The following TMEM59 variants were observed in gnomAD, a reference collection of about 807,000 sequenced individuals.
The protein encoded by TMEM59 is transmembrane protein 59.
In TMEM59, 44 loss-of-function variants were observed where a neutral mutation model predicts 42.2. The ratio of observed to expected loss-of-function variants is 1.04; its 90% CI spans 0.82 to 1.34. The LOEUF is 1.34. Ranked by LOEUF, TMEM59 falls within the 40% of genes most tolerant of loss-of-function variation. TMEM59 has a pLI of 0.00. For missense variants in TMEM59, 359 were observed against 382.8 expected (o/e 0.94, Z 0.52); for synonymous variants, 148 against 145.8 (o/e 1.02, Z -0.11).
Position 54,053,110 on chromosome 1 carries a change from C to T in TMEM59, c.79G>A (p.Ala27Thr), listed in dbSNP as rs1232920411. 1 of 1,614,248 alleles carries T rather than the reference C, an allele frequency of 6.2e-7. No homozygotes were observed. Among genetic ancestry groups the T allele is most frequent in the Admixed American group, 1.7e-5 (1 of 60,036 alleles). The change falls in exon 1 of 8, where the codon GCC becomes ACC. Residue 27 changes from alanine to threonine, a missense_variant. Physicochemically the swap from Ala to Thr is moderately conservative, Grantham distance 58. Coordinates refer to ENST00000234831, the MANE Select transcript of TMEM59 (RefSeq NM_004872.5). The stretch of plus-strand genomic sequence containing the variant: ...GCCGAAGCGGTCCCCGAACCTCCGG[C>T]CAAGGCCATGGTCAGCAGCAGCAGC... ...PPLLLLTMAL[A>T]GGSGTASAEA... is the part of the protein sequence containing the mutation.
chr1:54,045,963 C>T (rs146217481), intron 2 of TMEM59, among the ~76,000 whole-genome samples, 177 bp from the exon 3 acceptor site: 1 of 152,312 alleles, frequency 6.6e-6, no homozygotes, highest in East Asian at 1.9e-4. Context: ...TCCATATTGT[C>T]TCCCTCCTAC....
At chr1:54,034,785 A>G (rs1424844495) in intron 7 of TMEM59, 1 of 152,174 alleles carries the variant, frequency 6.6e-6, no homozygotes, top group Admixed American at 6.5e-5. Context: ...AAAAAGAAAA[A>G]AGAAAGTTCA....
rs1656654904 is a variant in TMEM59 at position 54,028,031 on chromosome 1, T to C, written c.*4119A>G. ...GTCACTCATGCAGATGATACCCAAA[T>C]GCAAACATGACACGCTTAGCAACTG... On this transcript the variant is annotated 3_prime_UTR_variant, in exon 8 of 8. Coordinates refer to ENST00000234831, the MANE Select transcript of TMEM59 (RefSeq NM_004872.5). The C allele has an allele frequency of 6.6e-6, 1 of 152,222 alleles. No individual in the cohort carries two copies. 9.4% of individuals were successfully genotyped at this position (152,222 alleles called of 1,614,324 possible). A position where few individuals can be genotyped will look rare whatever the true frequency, so the allele number is the denominator to read the frequency against.
At chr1:54,034,638 G>A (rs1366750233) in intron 7 of TMEM59, 1 of 152,248 alleles carries the variant, frequency 6.6e-6, no homozygotes, top group Non-Finnish European at 1.5e-5. Flanking sequence ...GCTGGGTGTG[G>A]TGGTGTGCGC....
intron 5 of TMEM59, among the ~76,000 whole-genome samples, 194 bp from the exon 6 acceptor site, chr1:54,041,031 T>C (rs1315171042): frequency 6.6e-6 from 1 of 152,234 alleles, no homozygotes; most frequent in Non-Finnish European, 1.5e-5. Flanking sequence ...ATGAGTTTCC[T>C]GTTTTATTTT....
chr1:54,047,823 A>T (rs1657394999), intron 1 of TMEM59: 1 of 187,758 alleles, frequency 5.3e-6, no homozygotes, highest in South Asian at 1.0e-4. Flanking sequence ...CACAAAAATA[A>T]CTGGGTATGG....
Position 54,032,226 on chromosome 1 carries a change from A to G in TMEM59, c.896T>C (p.Val299Ala). 6.2e-7 allele frequency: 1 copy of G among 1,613,408 alleles called. No individual in the cohort carries two copies. The highest frequency in any genetic ancestry group is 1.1e-5 in the South Asian group (1 of 91,004). The part of the protein sequence containing the change: ...NRYPASSLVV[V>A]RSKTEDHEEA... ...TTCATGATCTTCAGTTTTAGATCTA[A>G]CAACCACAAGAGAAGAAGCTGGATA... The change falls in exon 8 of 8, where the codon GTT becomes GCT. Residue 299 changes from valine (V) to alanine (A), a missense_variant. Coordinates refer to ENST00000234831, the MANE Select transcript of TMEM59 (RefSeq NM_004872.5).
chr1:54,036,280 CAA>C (rs368533117), intron 7 of TMEM59, among the ~76,000 whole-genome samples: 2 of 135,144 alleles, frequency 1.5e-5, no homozygotes, highest in Admixed American at 7.5e-5. Context: ...GACTCTGCCT[CAA>C]AAAAAAAAAA....
intron 7 of TMEM59, among the ~76,000 whole-genome samples, chr1:54,036,310 A>G (rs1323970014): frequency 1.3e-5 from 2 of 151,980 alleles, no homozygotes; most frequent in African/African-American, 2.4e-5. Context: ...TTTCCCATAT[A>G]TCCCCTAGAA....
intron 7 of TMEM59, among the ~76,000 whole-genome samples, chr1:54,032,916 C>G (rs896531996): frequency 2.7e-5 from 4 of 149,644 alleles, no homozygotes; most frequent in African/African-American, 1.0e-4. Context: ...GTATGAATGT[C>G]TCTGTCTCTT....
intron 2 of TMEM59, among the ~76,000 whole-genome samples, chr1:54,046,528 TC>T (rs1259481637): frequency 6.6e-6 from 1 of 152,204 alleles, no homozygotes; most frequent in African/African-American, 2.4e-5. Context: ...AATACACTTC[TC>T]AGAAGTGCTA....
Position 54,045,647 on chromosome 1 carries a change from GTGC to G in TMEM59, c.390+42_390+44del, listed in dbSNP as rs375264930. 8.7e-4 allele frequency: 1,355 copies of G among 1,563,160 alleles called. 8 individuals are homozygous for G. In the Middle Eastern group the frequency reaches 0.024, roughly 27 times the overall value. ...TAAACACTTCAAGCAATACAAGTCAGTGCCATCTAAGCAGGCTAGTTTGAAAGG... is the reference window on the plus strand; with the variant it reads ...TAAACACTTCAAGCAATACAAGTCAGCATCTAAGCAGGCTAGTTTGAAAGG... On this transcript the variant is annotated intron_variant, in intron 3 of 7. Coordinates refer to ENST00000234831, the MANE Select transcript of TMEM59 (RefSeq NM_004872.5).
chr1:54,037,489 A>G (rs1557674816), intron 6 of TMEM59, among the ~76,000 whole-genome samples: 1 of 152,226 alleles, frequency 6.6e-6, no homozygotes, highest in Admixed American at 6.5e-5. Flanking sequence ...AGTTTTTTTC[A>G]TAATTGACCT....
rs1017672757 is a variant in TMEM59, at chr1:54,045,694, G to C, written c.388C>G (p.Gln130Glu). 6.2e-7 allele frequency: 1 copy of C among 1,614,050 alleles called. No homozygotes were observed. The highest frequency in any genetic ancestry group is 1.7e-5 in the Admixed American group (1 of 60,008). ...QLPFAELRQE[Q>E]LMSLMPKMHL... Reference sequence around the variant, plus strand: ...TGAAAGGCAGTATTGTTTCGTACTTGTTCTTGTCTCAGTTCAGCGAATGGC... The same window carrying C: ...TGAAAGGCAGTATTGTTTCGTACTTCTTCTTGTCTCAGTTCAGCGAATGGC... The change falls in exon 3 of 8, where the codon CAA becomes GAA. Residue 130 changes from glutamine (Q) to glutamate (E), a missense_variant and splice_region_variant. Transcript: ENST00000234831.
intron 5 of TMEM59, 80 bp downstream of exon 5, chr1:54,041,643 TA>T: frequency 8.7e-7 from 1 of 1,147,960 alleles, no homozygotes; most frequent in Non-Finnish European, 1.3e-6. Context: ...TCCATCAGTG[TA>T]AAAACAAACA....
At chr1:54,037,666 T>C in intron 6 of TMEM59, among the ~76,000 whole-genome samples, 1 of 152,254 alleles carries the variant, frequency 6.6e-6, no homozygotes, top group East Asian at 1.9e-4. Flanking sequence ...ACTTGATAGT[T>C]TGCCAAGACT....
chr1:54,040,669 C>T (rs1657107874), intron 6 of TMEM59, 87 bp downstream of exon 6: 2 of 1,002,616 alleles, frequency 2.0e-6, no homozygotes, highest in Admixed American at 2.3e-5. Context: ...TTTTGAGGTG[C>T]TAATTTTAAA....
chr1:54,053,425 G>A (rs970249916), upstream of TMEM59: 30 of 544,758 alleles, frequency 5.5e-5, no homozygotes, highest in Non-Finnish European at 9.4e-5. Flanking sequence ...AAGCGTTAGC[G>A]CGAAGCGGGG....
chr1:54,048,457 G>GATTTTTAAAATCT lies in TMEM59; in HGVS notation c.190-1086_190-1085insAGATTTTAAAAAT, dbSNP rs573343282. ...TTAATAAATGGTAATAGTGTTAATA[G>GATTTTTAAAATCT]ATTTTTAAAATAGAAAACAATTACA... On this transcript the variant is annotated intron_variant, in intron 1 of 7. Transcript: ENST00000234831. Among the ~76,000 whole-genome samples, 48 of 152,336 alleles carry GATTTTTAAAATCT rather than the reference G, an allele frequency of 3.2e-4. No homozygotes were observed. In the East Asian group the frequency reaches 7.3e-3, roughly 23 times the overall value.
Sources: gnomAD v4.1 joint callset for allele counts (sites outside exome capture counted in the v4.1 genomes callset) on GRCh38, gnomAD v4.1.1 for gene constraint, MANE v1.5 for transcripts, NCBI Gene and HGNC (gene_info 2026-07-23, HGNC 2026-07-21) for gene names.